PRSS36: variants seen among roughly 807,000 people sequenced by gnomAD.
The protein encoded by PRSS36 is serine protease 36.
In PRSS36, 90 loss-of-function variants were observed where a neutral mutation model predicts 94.3. The observed-to-expected ratio is 0.95, with a 90% confidence interval of 0.80 to 1.14. PRSS36 has a LOEUF of 1.14. Among genes scored for constraint, PRSS36 ranks in the 50% most tolerant of loss-of-function variants. The pLI is 0.00. For synonymous variants in PRSS36, 500 were observed against 489.6 expected, an observed-to-expected ratio of 1.02 and a Z score of -0.28; for missense variants, 1,158 against 1,135.0, an observed-to-expected ratio of 1.02 and a Z score of -0.29.
At chr16:31,143,110 A>AC in intron 8 of PRSS36, 117 bp from the exon 9 acceptor site, 1 of 1,346,108 alleles carries the variant, frequency 7.4e-7, no homozygotes, top group Non-Finnish European at 9.7e-7. Flanking sequence ...TCCCCACGAC[A>AC]CCCCCATTCC....
intron 3 of PRSS36, 107 bp from the exon 4 acceptor site, chr16:31,149,342 T>C: frequency 6.5e-7 from 1 of 1,530,630 alleles, no homozygotes; most frequent in Middle Eastern, 1.8e-4. Context: ...AGTTTGCCCC[T>C]CTGAACAAAG....
At chr16:31,149,354 A>C in intron 3 of PRSS36, 109 bp downstream of exon 3, 1 of 1,540,120 alleles carries the variant, frequency 6.5e-7, no homozygotes, top group Non-Finnish European at 8.9e-7. Context: ...TGAACAAAGA[A>C]CATAGAGGAC....
intron 12 of PRSS36, among the ~76,000 whole-genome samples, chr16:31,141,085 C>G (rs534549613): frequency 1.3e-5 from 2 of 152,268 alleles, no homozygotes; most frequent in East Asian, 3.9e-4. Context: ...TGCCACCACC[C>G]CTGGCTAATT....
chr16:31,139,162 C>A lies in PRSS36; in HGVS notation c.2544G>T (p.Leu848=). 1 of 1,577,632 alleles carries A rather than the reference C, an allele frequency of 6.3e-7. No individual in the cohort carries two copies. The change falls in exon 15 of 15, where the codon CTG becomes CTT. Residue 848 remains leucine, a synonymous_variant. Transcript: ENST00000268281. ...GSPHAVYFLL[L]LTLLIQS The stretch of plus-strand genomic sequence containing the variant: ...CTCAGCTCTGGATCAGGAGAGTCAG[C>A]AGGAGCAGGAAGTAGACTGCATGCG...
At chr16:31,143,515 A>G (rs930161082) in intron 7 of PRSS36, 44 bp from the exon 8 acceptor site, 12 of 1,604,476 alleles carry the variant, frequency 7.5e-6, no homozygotes, top group Admixed American at 6.7e-5. Flanking sequence ...CTGCAACCCA[A>G]TCACTCCCAG....
rs1270981042 is a variant in PRSS36 at position 31,142,505 on chromosome 16, T to C, written c.1497A>G (p.Glu499=). 1.3e-6 allele frequency: 2 copies of C among 1,492,598 alleles called. No individual in the cohort carries two copies. The highest frequency in any genetic ancestry group is 1.8e-6 in the Non-Finnish European group (2 of 1,123,350). The allele number at this position is 1,492,598 out of a possible 1,614,324, so 92.5% of individuals were successfully genotyped here. The change falls in exon 10 of 15, where the codon GAA becomes GAG. Residue 499 remains glutamate (E), a synonymous_variant. Transcript: ENST00000268281. ...CCCAGCAGCTGCCCACCTCCTCCTT[T>C]TCCTGGTAGGCAGGGCAGAGCGCGT... The part of the protein sequence containing the change: ...PPHALCPAYQ[E]KEEVGSCWND...
chr16:31,142,758 G>T lies in PRSS36; in HGVS notation c.1336C>A (p.Leu446Met). 1 of 1,403,356 alleles carries T rather than the reference G, an allele frequency of 7.1e-7. No homozygotes were observed. Among genetic ancestry groups the T allele is most frequent in the Non-Finnish European group, 9.3e-7 (1 of 1,074,034 alleles). 86.9% of individuals were successfully genotyped at this position (1,403,356 alleles called of 1,614,324 possible). Residue 446 changes from leucine (L) to methionine (M), a missense_variant, in exon 9 of 15, where the codon CTG (leucine) becomes ATG (methionine). Physicochemically the swap from Leu to Met is conservative, Grantham distance 15. Coordinates refer to ENST00000268281, the MANE Select transcript of PRSS36 (RefSeq NM_173502.5). ...HYFLPGSRCR[L>M]ARWGRGEPAL... ...TCACCCCCGCGGCCCCAGCGGGCCAGGCGGCAGCGGCTCCCGGGCAGGAAG... is the reference window on the plus strand; with the variant it reads ...TCACCCCCGCGGCCCCAGCGGGCCATGCGGCAGCGGCTCCCGGGCAGGAAG...
At chr16:31,146,328 A>G (rs766781693) in intron 5 of PRSS36, among the ~76,000 whole-genome samples, 1 of 152,076 alleles carries the variant, frequency 6.6e-6, no homozygotes, top group Non-Finnish European at 1.5e-5. Context: ...CTGAGTTGCC[A>G]AGCATGGAAT....
chr16:31,147,512 G>A (rs1170610631), intron 5 of PRSS36, among the ~76,000 whole-genome samples: 1 of 152,168 alleles, frequency 6.6e-6, no homozygotes, highest in Non-Finnish European at 1.5e-5. Context: ...ATTTGTGGGG[G>A]CCCTGGGAGC....
In PRSS36 at chr16:31,148,587, C is replaced by A. The variant is rs1471741565; in HGVS notation, c.361G>T (p.Ala121Ser). 6.2e-7 allele frequency: 1 copy of A among 1,610,514 alleles called. No homozygotes were observed. The highest frequency in any genetic ancestry group is 1.1e-5 in the South Asian group (1 of 90,918). ...DGPLDGAHTRAVAAIVVPANY... is the reference protein window; with the variant it reads ...DGPLDGAHTRSVAAIVVPANY... ...GCCGGCACCACGATGGCGGCCACTG[C>A]GCGGGTGTGCGCGCCGTCCAGGGGC... Residue 121 changes from alanine to serine, a missense_variant, in exon 5 of 15, where the codon GCA becomes TCA. Ala to Ser is a moderately conservative substitution (Grantham distance 99, BLOSUM62 1). Transcript: ENST00000268281.
chr16:31,143,967 C>T (rs1439233387), intron 6 of PRSS36, 130 bp from the exon 7 acceptor site: 22 of 1,137,030 alleles, frequency 1.9e-5, no homozygotes, highest in Non-Finnish European at 2.6e-5. Context: ...TAGGCCTTGT[C>T]CTCTGCATTC....
chr16:31,145,009 C>T (rs981756589), intron 6 of PRSS36, among the ~76,000 whole-genome samples: 1 of 152,060 alleles, frequency 6.6e-6, no homozygotes, highest in African/African-American at 2.4e-5. Flanking sequence ...ATCGCTTGAA[C>T]CCGGGAGGCA....
At chr16:31,149,958 G>A (rs1308667028) in intron 1 of PRSS36, 41 bp downstream of exon 1, 33 of 1,608,592 alleles carry the variant, frequency 2.1e-5, no homozygotes, top group Non-Finnish European at 2.6e-5. Flanking sequence ...CAGATGCCAG[G>A]ACCCAGGCCC....
chr16:31,144,621 G>C (rs911523789), intron 6 of PRSS36, among the ~76,000 whole-genome samples: 1 of 150,252 alleles, frequency 6.7e-6, no homozygotes, highest in Non-Finnish European at 1.5e-5. Context: ...GCTGTCTTTG[G>C]TTTTTAAATT....
At chr16:31,147,984 A>G (rs1362358457) in intron 5 of PRSS36, among the ~76,000 whole-genome samples, 1 of 152,178 alleles carries the variant, frequency 6.6e-6, no homozygotes, top group African/African-American at 2.4e-5. Context: ...TGAACTTTAC[A>G]TGGATTTTCT....
intron 4 of PRSS36, among the ~76,000 whole-genome samples, 164 bp downstream of exon 4, chr16:31,148,909 T>C (rs1336981519): frequency 6.6e-6 from 1 of 152,064 alleles, no homozygotes. Context: ...TCCGGCAGCC[T>C]TGCCCCACTC....
chr16:31,149,834 A>T, intron 1 of PRSS36, 103 bp from the exon 2 acceptor site: 2 of 1,566,588 alleles, frequency 1.3e-6, no homozygotes, highest in Non-Finnish European at 1.8e-6. Context: ...TCCCCAGGGC[A>T]CCCAGGCCTC....
chr16:31,141,996 C>A (rs768694725), intron 10 of PRSS36, 36 bp from the exon 11 acceptor site: 2 of 1,585,198 alleles, frequency 1.3e-6, no homozygotes, highest in Middle Eastern at 1.7e-4. Flanking sequence ...CTTGCCTCTG[C>A]GTGTGTGCAG....
At chr16:31,148,848 AT>A (rs2057846035) in intron 4 of PRSS36, 173 bp from the exon 5 acceptor site, 6 of 989,972 alleles carry the variant, frequency 6.1e-6, no homozygotes, top group Non-Finnish European at 8.8e-6. Flanking sequence ...TGGGGGGGTC[AT>A]TGGAAAGATG....
Sources: allele counts gnomAD v4.1 joint callset (sites outside exome capture counted in the v4.1 genomes callset), GRCh38; gene constraint gnomAD v4.1.1; transcripts MANE v1.5; gene names NCBI Gene and HGNC (gene_info 2026-07-23, HGNC 2026-07-21).